CEP112: variants seen among roughly 807,000 people sequenced by gnomAD.
CEP112 encodes the protein centrosomal protein of 112 kDa.
Under a neutral mutation model 153.0 loss-of-function variants are expected in CEP112, and 127 were observed. The ratio of observed to expected loss-of-function variants is 0.83; its 90% CI spans 0.72 to 0.96. The LOEUF (loss-of-function observed/expected upper bound fraction) is 0.96. CEP112 is among the 40% of genes least tolerant of loss of function. The probability of loss-of-function intolerance (pLI) is 0.00; values close to 1 mark genes in which losing one functional copy is unlikely to be tolerated. For missense variants in CEP112, 1,089 were observed against 1,101.2 expected, an observed-to-expected ratio of 0.99 and a Z score of 0.16; for synonymous variants, 358 against 374.4, an observed-to-expected ratio of 0.96 and a Z score of 0.51.
chr17:65,988,740 A>G (rs896132223), intron 17 of CEP112, among the ~76,000 whole-genome samples: 1 of 152,294 alleles, frequency 6.6e-6, no homozygotes, highest in East Asian at 1.9e-4. Context: ...GAAAAAAGAA[A>G]AAAGAATGAG....
At position 66,040,297 on chromosome 17, in the gene CEP112, T is replaced by C. The variant is rs898822961; in HGVS notation, c.1219-10274A>G. 2.0e-5 allele frequency among the ~76,000 whole-genome samples: 3 copies of C among 152,164 alleles called. No homozygotes were observed. In the South Asian group the frequency reaches 6.2e-4, roughly 31 times the overall value. ...GAATTTACATTTCCCTGACTATTAA[T>C]AATTTGAGCACCTTTTTAAGTGTTT... On this transcript the variant is annotated intron_variant, in intron 12 of 26. Transcript: ENST00000535342.
intron 10 of CEP112, among the ~76,000 whole-genome samples, 156 bp from the exon 11 acceptor site, chr17:66,063,237 C>T (rs771148442): frequency 3.9e-5 from 6 of 152,118 alleles, no homozygotes; most frequent in Non-Finnish European, 7.4e-5. Flanking sequence ...CTCTTTTTCT[C>T]GATTTCTACC....
At chr17:65,657,699 G>T (rs1022255664) in intron 24 of CEP112, among the ~76,000 whole-genome samples, 2 of 152,140 alleles carry the variant, frequency 1.3e-5, no homozygotes, top group African/African-American at 2.4e-5. Context: ...CCAACCAAAG[G>T]GTAGGTGAGA....
chr17:65,791,423 G>A (rs1434749813), intron 21 of CEP112, among the ~76,000 whole-genome samples: 1 of 152,146 alleles, frequency 6.6e-6, no homozygotes, highest in Non-Finnish European at 1.5e-5. Flanking sequence ...CTGATAATCA[G>A]CTTTAGGTGA....
At chr17:65,651,991 C>T (rs1170312883) in intron 24 of CEP112, among the ~76,000 whole-genome samples, 3 of 152,252 alleles carry the variant, frequency 2.0e-5, no homozygotes, top group East Asian at 1.9e-4. Flanking sequence ...GCATGAGCCA[C>T]TGCGCCCAGC....
At chr17:66,135,155 C>T (rs574477041) in intron 4 of CEP112, among the ~76,000 whole-genome samples, 9 of 152,148 alleles carry the variant, frequency 5.9e-5, no homozygotes, top group South Asian at 4.1e-4. Flanking sequence ...ACCCCTAATA[C>T]GTGCTCCAAT....
At chr17:65,799,842 T>C (rs1170471067) in intron 21 of CEP112, among the ~76,000 whole-genome samples, 1 of 152,194 alleles carries the variant, frequency 6.6e-6, no homozygotes, top group Non-Finnish European at 1.5e-5. Context: ...ACCCACACAC[T>C]GTCACATTCA....
At chr17:66,034,993 C>T (rs28554064) in intron 12 of CEP112, among the ~76,000 whole-genome samples, 10,676 of 27,206 alleles carry the variant, frequency 0.39, 1,412 homozygotes, top group East Asian at 0.68. Flanking sequence ...TATATATATA[C>T]ATATATATAT....
At chr17:65,689,368 T>C (rs755774980) in intron 23 of CEP112, 150 bp from the exon 24 acceptor site, 2 of 578,024 alleles carry the variant, frequency 3.5e-6, no homozygotes, top group Non-Finnish European at 6.0e-6. Context: ...GACTTTTGTG[T>C]GTCAGGCCAA....
chr17:66,103,014 A>G (rs1308595171), intron 6 of CEP112, among the ~76,000 whole-genome samples: 1 of 152,166 alleles, frequency 6.6e-6, no homozygotes, highest in East Asian at 1.9e-4. Context: ...ACCTGAGGTC[A>G]GCAGTTCGAG....
chr17:65,920,983 C>A (rs1041259197), intron 19 of CEP112, among the ~76,000 whole-genome samples: 8 of 152,206 alleles, frequency 5.3e-5, no homozygotes, highest in African/African-American at 1.4e-4. Context: ...TACATATTAA[C>A]TATTCCTCAG....
At chr17:65,938,817 G>T (rs1568262717) in intron 18 of CEP112, among the ~76,000 whole-genome samples, 1 of 148,130 alleles carries the variant, frequency 6.8e-6, no homozygotes, top group African/African-American at 2.6e-5. Flanking sequence ...ATTCAAAAAA[G>T]ATTTTTTTTT....
intron 21 of CEP112, among the ~76,000 whole-genome samples, chr17:65,787,311 T>A (rs2054334451): frequency 1.3e-5 from 2 of 152,050 alleles, no homozygotes; most frequent in African/African-American, 4.8e-5. Context: ...AAGACCCCCA[T>A]CTCTACAAAA....
intron 4 of CEP112, among the ~76,000 whole-genome samples, chr17:66,139,387 G>A (rs1163243837): frequency 6.6e-6 from 1 of 152,098 alleles, no homozygotes; most frequent in African/African-American, 2.4e-5. Context: ...GAGGACTGCT[G>A]GAGCCCAGGA....
At chr17:66,055,116 G>A (rs1412121001) in intron 11 of CEP112, among the ~76,000 whole-genome samples, 1 of 152,102 alleles carries the variant, frequency 6.6e-6, no homozygotes, top group African/African-American at 2.4e-5. Context: ...GACAAATAGA[G>A]GCAGTGTGAA....
chr17:65,779,760 G>A (rs1438053713), intron 21 of CEP112, among the ~76,000 whole-genome samples: 1 of 152,070 alleles, frequency 6.6e-6, no homozygotes, highest in Non-Finnish European at 1.5e-5. Context: ...CATTTTATAA[G>A]AATCCCATAG....
chr17:66,046,871 GCCACC>G (rs2066233314), intron 12 of CEP112, among the ~76,000 whole-genome samples: 1 of 152,046 alleles, frequency 6.6e-6, no homozygotes, highest in Admixed American at 6.5e-5. Context: ...ACCACCCGCA[GCCACC>G]AGAAGCTCCA....
Position 66,000,242 on chromosome 17 carries a change from T to C in CEP112, c.1736+5448A>G, listed in dbSNP as rs1281947202. On this transcript the variant is annotated intron_variant, in intron 17 of 26. Coordinates refer to ENST00000535342, the MANE Select transcript of CEP112 (RefSeq NM_001199165.4). ...CTCACTGGCATCTGTTTTTTTTTTG[T>C]CTTTTTAGTAATAACCATTTTGACT... Among the ~76,000 whole-genome samples, 25 of 104,752 alleles carry C rather than the reference T, an allele frequency of 2.4e-4. No individual in the cohort carries two copies. In the East Asian group the frequency reaches 5.3e-3, roughly 22 times the overall value. The allele number at this position is 104,752 out of a possible 152,430, so 68.7% of individuals were successfully genotyped here.
chr17:65,800,080 T>A (rs1229247729), intron 21 of CEP112, among the ~76,000 whole-genome samples: 1 of 152,188 alleles, frequency 6.6e-6, no homozygotes, highest in Admixed American at 6.5e-5. Context: ...TTTTCAATAT[T>A]ACTAACTGCC....
Sources: gnomAD v4.1 joint callset for allele counts (sites outside exome capture counted in the v4.1 genomes callset) on GRCh38, gnomAD v4.1.1 for gene constraint, MANE v1.5 for transcripts, NCBI Gene and HGNC (gene_info 2026-07-23, HGNC 2026-07-21) for gene names.